The following MLLT10 variants were observed in gnomAD, a reference collection of about 807,000 sequenced individuals.
MLLT10 encodes MLLT10 histone lysine methyltransferase DOT1L cofactor.
In MLLT10, 30 loss-of-function variants were observed where a neutral mutation model predicts 129.1. That is an observed-to-expected ratio of 0.23 (90% CI 0.17 to 0.32). MLLT10 has a LOEUF of 0.32. Ranked by LOEUF, MLLT10 falls within the 10% of genes least tolerant of loss-of-function variation. The probability of loss-of-function intolerance (pLI) is 1.00; values close to 1 mark genes in which losing one functional copy is unlikely to be tolerated. For missense variants in MLLT10, 1,119 were observed against 1,268.3 expected, an observed-to-expected ratio of 0.88 and a Z score of 1.79; for synonymous variants, 490 against 446.4, an observed-to-expected ratio of 1.10 and a Z score of -1.23.
intron 8 of MLLT10, among the ~76,000 whole-genome samples, chr10:21,629,579 A>G (rs1037024242): frequency 2.0e-5 from 3 of 152,222 alleles, no homozygotes; most frequent in Non-Finnish European, 4.4e-5. Flanking sequence ...GAAATAAATA[A>G]TAGTTGACAA....
At chr10:21,653,040 G>A (rs2049206139) in intron 9 of MLLT10, among the ~76,000 whole-genome samples, 1 of 152,210 alleles carries the variant, frequency 6.6e-6, no homozygotes, top group African/African-American at 2.4e-5. Flanking sequence ...AGCAGGTTGA[G>A]GGGAAAGAAA....
chr10:21,553,975 G>A (rs1207653972), intron 3 of MLLT10, among the ~76,000 whole-genome samples: 2 of 152,116 alleles, frequency 1.3e-5, no homozygotes, highest in Non-Finnish European at 2.9e-5. Flanking sequence ...TTAATCGTTT[G>A]TATGTGGTAG....
chr10:21,552,483 C>T (rs2037242118), intron 3 of MLLT10, among the ~76,000 whole-genome samples: 1 of 151,136 alleles, frequency 6.6e-6, no homozygotes, highest in African/African-American at 2.4e-5. Context: ...CCTTCACCTC[C>T]TGGGTTCAAG....
At chr10:21,547,442 C>T (rs1203387273) in intron 3 of MLLT10, among the ~76,000 whole-genome samples, 2 of 148,862 alleles carry the variant, frequency 1.3e-5, no homozygotes, top group Non-Finnish European at 3.0e-5. Context: ...CACTGTGTTG[C>T]CCAGGCTGGT....
chr10:21,731,457 G>A lies in MLLT10; in HGVS notation c.2218+403G>A, dbSNP rs200148137. Among the ~76,000 whole-genome samples the A allele has an allele frequency of 1.3e-5, 2 of 151,962 alleles. 1 individual carries two copies. Among genetic ancestry groups the A allele is most frequent in the South Asian group, 4.2e-4 (2 of 4,810 alleles). On this transcript the variant is annotated intron_variant, in intron 17 of 22. Coordinates refer to ENST00000307729, the MANE Select transcript of MLLT10 (RefSeq NM_001195626.3). The stretch of plus-strand genomic sequence containing the variant: ...CCATGATTATACATATTGGTACTTT[G>A]TGTCTCCACTGTACTTTGTTCTTAT...
At chr10:21,647,715 T>C (rs537198185) in intron 8 of MLLT10, among the ~76,000 whole-genome samples, 62 of 151,774 alleles carry the variant, frequency 4.1e-4, no homozygotes, top group Non-Finnish European at 7.1e-4. Flanking sequence ...GCGGGGGGAT[T>C]GCCCAGTCAT....
chr10:21,616,720 A>G (rs1396812796), intron 7 of MLLT10, among the ~76,000 whole-genome samples: 1 of 152,002 alleles, frequency 6.6e-6, no homozygotes, highest in Non-Finnish European at 1.5e-5. Flanking sequence ...TGCTTTTCCT[A>G]GTGGCATAAA....
chr10:21,734,068 C>T lies in MLLT10; in HGVS notation c.2797C>T (p.Leu933Phe), dbSNP rs1589889940. The T allele has an allele frequency of 6.2e-7, 1 of 1,614,120 alleles. No individual in the cohort carries two copies. Among genetic ancestry groups the T allele is most frequent in the East Asian group, 2.2e-5 (1 of 44,890 alleles). ...CACAATGTCCCAGAACCCTACCCCTCTCACCCACACAACCGTACCACCTAA... is the reference window on the plus strand; with the variant it reads ...CACAATGTCCCAGAACCCTACCCCTTTCACCCACACAACCGTACCACCTAA... ...PVTMSQNPTP[L>F]THTTVPPNAT... Residue 933 changes from leucine to phenylalanine, a missense_variant, in exon 20 of 23, where the codon CTC becomes TTC. Physicochemically the swap from Leu to Phe is conservative, Grantham distance 22. Coordinates refer to ENST00000307729, the MANE Select transcript of MLLT10 (RefSeq NM_001195626.3).
chr10:21,556,210 T>G (rs1206661736), intron 3 of MLLT10, among the ~76,000 whole-genome samples: 4 of 151,900 alleles, frequency 2.6e-5, no homozygotes, highest in African/African-American at 7.3e-5. Flanking sequence ...TGGTCCGCCC[T>G]CCTCGGCCTC....
chr10:21,724,974 A>G (rs756735607), intron 14 of MLLT10, among the ~76,000 whole-genome samples: 5 of 152,246 alleles, frequency 3.3e-5, no homozygotes, highest in Non-Finnish European at 5.9e-5. Context: ...AGTGCCTTAT[A>G]TGGGGTCAGG....
At chr10:21,617,035 GT>G in intron 7 of MLLT10, 76 bp from the exon 8 acceptor site, 1 of 586,602 alleles carries the variant, frequency 1.7e-6, no homozygotes, top group Non-Finnish European at 2.6e-6. Flanking sequence ...AGTTGAATTG[GT>G]TTAAGCCTAA....
chr10:21,733,644 G>T, intron 19 of MLLT10, 52 bp downstream of exon 19: 1 of 1,459,530 alleles, frequency 6.9e-7, no homozygotes, highest in Non-Finnish European at 9.1e-7. Flanking sequence ...GTGAATAATA[G>T]TATATTAAAT....
At chr10:21,607,787 TTACTTCC>T (rs1258908618) in intron 5 of MLLT10, among the ~76,000 whole-genome samples, 5 of 152,252 alleles carry the variant, frequency 3.3e-5, no homozygotes, top group East Asian at 1.9e-4. Flanking sequence ...TCACACTGTC[TTACTTCC>T]TACATGGTCC....
At chr10:21,660,942 A>G (rs2050137852) in intron 9 of MLLT10, among the ~76,000 whole-genome samples, 1 of 151,464 alleles carries the variant, frequency 6.6e-6, no homozygotes. Flanking sequence ...TCAGTGCGAT[A>G]AATTCCTCTT....
intron 13 of MLLT10, among the ~76,000 whole-genome samples, chr10:21,706,593 A>T (rs1030016038): frequency 1.3e-5 from 2 of 152,208 alleles, no homozygotes; most frequent in African/African-American, 2.4e-5. Flanking sequence ...ATTTCTGAAG[A>T]CTATTCCATT....
At chr10:21,625,373 C>T in intron 8 of MLLT10, 1 of 782,062 alleles carries the variant, frequency 1.3e-6, no homozygotes, top group East Asian at 2.5e-5. Flanking sequence ...TTGGAGTTCT[C>T]CAAATTCAGA....
chr10:21,563,316 G>T (rs2039099840), intron 3 of MLLT10, among the ~76,000 whole-genome samples: 1 of 152,062 alleles, frequency 6.6e-6, no homozygotes, highest in South Asian at 2.1e-4. Context: ...TTGAGGTCAG[G>T]AGTTTGAAAC....
At chr10:21,625,105 C>T in intron 8 of MLLT10, 1 of 913,022 alleles carries the variant, frequency 1.1e-6, no homozygotes, top group Non-Finnish European at 1.8e-6. Flanking sequence ...GGAGGTTAGC[C>T]ATATCCACCT....
chr10:21,623,500 GAAGT>G (rs2046110080), intron 8 of MLLT10, among the ~76,000 whole-genome samples: 1 of 152,180 alleles, frequency 6.6e-6, no homozygotes, highest in South Asian at 2.1e-4. Context: ...AGGATTTTTA[GAAGT>G]TCTGTGCCAG....
Sources: allele counts gnomAD v4.1 joint callset (sites outside exome capture counted in the v4.1 genomes callset), GRCh38; gene constraint gnomAD v4.1.1; transcripts MANE v1.5; gene names NCBI Gene and HGNC (gene_info 2026-07-23, HGNC 2026-07-21).